RP1L1: variants seen among roughly 807,000 people sequenced by gnomAD.
RP1L1 encodes RP1 like 1.
Under a neutral mutation model 15.7 loss-of-function variants are expected in RP1L1, and 27 were observed. The ratio of observed to expected loss-of-function variants is 1.72; its 90% CI spans 1.27 to 2.38. The LOEUF (loss-of-function observed/expected upper bound fraction) is 2.38. Among genes scored for constraint, RP1L1 ranks in the 30% most tolerant of loss-of-function variants. RP1L1 has a pLI of 0.00. For missense variants in RP1L1, 4,798 were observed against 3,075.9 expected, an observed-to-expected ratio of 1.56 and a Z score of -13.24; for synonymous variants, 1,813 against 1,276.7, an observed-to-expected ratio of 1.42 and a Z score of -8.96.
intron 1 of RP1L1, among the ~76,000 whole-genome samples, chr8:10,653,645 C>A (rs753135732): frequency 3.1e-5 from 4 of 130,128 alleles, no homozygotes; most frequent in Non-Finnish European, 5.3e-5. Context: ...ATGTGCACAC[C>A]CACACACGCA....
At chr8:10,645,904 G>C (rs1798469784) in intron 1 of RP1L1, among the ~76,000 whole-genome samples, 1 of 152,128 alleles carries the variant, frequency 6.6e-6, no homozygotes, top group Non-Finnish European at 1.5e-5. Flanking sequence ...TGCTGCACCT[G>C]GCCTTTCTCC....
chr8:10,649,222 C>T (rs963819803), intron 1 of RP1L1, among the ~76,000 whole-genome samples: 2 of 152,230 alleles, frequency 1.3e-5, no homozygotes, highest in African/African-American at 4.8e-5. Flanking sequence ...ATTCTACTCT[C>T]AAGTCCTTCT....
intron 1 of RP1L1, among the ~76,000 whole-genome samples, chr8:10,631,962 C>T (rs1484665670): frequency 1.3e-5 from 2 of 152,146 alleles, no homozygotes; most frequent in Non-Finnish European, 2.9e-5. Context: ...CTTGCGGTGG[C>T]CCCAGGAACA....
chr8:10,630,935 G>A lies in RP1L1; in HGVS notation c.-19-7715C>T, dbSNP rs115163987. Among the ~76,000 whole-genome samples, 943 of 152,292 alleles carry A rather than the reference G, an allele frequency of 6.2e-3. 6 individuals carry two copies. The highest frequency in any genetic ancestry group is 0.021 in the African/African-American group (881 of 41,562). ...CTTCCCAGCTGGGCTTGTGGGGGCT[G>A]GGAGGTGTGCACCAGCAGAGTGGGG... On this transcript the variant is annotated intron_variant, in intron 1 of 3. Transcript: ENST00000382483.
At chr8:10,642,067 A>G (rs955259401) in intron 1 of RP1L1, among the ~76,000 whole-genome samples, 7 of 152,202 alleles carry the variant, frequency 4.6e-5, no homozygotes, top group African/African-American at 1.7e-4. Context: ...TAGTTTTACA[A>G]GACGTTACCA....
Position 10,614,545 on chromosome 8 carries a change from C to T in RP1L1, c.752-1199G>A, listed in dbSNP as rs147925212. On this transcript the variant is annotated intron_variant, in intron 3 of 3. Coordinates refer to ENST00000382483, the MANE Select transcript of RP1L1 (RefSeq NM_178857.6). ...GCGTGGTTGTGGGAGACTGTAATCC[C>T]AGCCACTCGGGAGGCTGAGGCACAA... 8.8e-3 allele frequency among the ~76,000 whole-genome samples: 1,342 copies of T among 151,800 alleles called. 25 individuals carry two copies. The highest frequency in any genetic ancestry group is 0.031 in the African/African-American group (1,285 of 41,390).
At chr8:10,647,235 G>A (rs1023693600) in intron 1 of RP1L1, among the ~76,000 whole-genome samples, 2 of 152,218 alleles carry the variant, frequency 1.3e-5, no homozygotes, top group African/African-American at 4.8e-5. Context: ...AAATCCTAAC[G>A]AATGTCCGCC....
chr8:10,619,753 C>T lies in RP1L1; in HGVS notation c.609+2840G>A, dbSNP rs966595539. Among the ~76,000 whole-genome samples the T allele has an allele frequency of 8.6e-5, 13 of 150,750 alleles. No individual in the cohort carries two copies. In the East Asian group the frequency reaches 1.2e-3, roughly 14 times the overall value. On this transcript the variant is annotated intron_variant, in intron 2 of 3. Transcript: ENST00000382483. ...ACCAGCCTGGCCAACATGGTGAAAC[C>T]GCATCTCTACTAAAAATACAAAAAA...
intron 1 of RP1L1, among the ~76,000 whole-genome samples, chr8:10,645,302 G>A (rs188186155): frequency 1.1e-4 from 17 of 152,238 alleles, no homozygotes; most frequent in African/African-American, 4.1e-4. Context: ...ACTCCAGACT[G>A]GGCTACAGAG....
intron 1 of RP1L1, among the ~76,000 whole-genome samples, chr8:10,651,941 C>A (rs1586007658): frequency 1.3e-5 from 2 of 152,080 alleles, no homozygotes; most frequent in Non-Finnish European, 1.5e-5. Context: ...TTAAAAAAAT[C>A]TTTTATACTG....
chr8:10,651,732 G>A (rs1048846743), intron 1 of RP1L1, among the ~76,000 whole-genome samples: 1 of 147,984 alleles, frequency 6.8e-6, no homozygotes, highest in Non-Finnish European at 1.5e-5. Context: ...ACTCCAGCCT[G>A]GCAACAGAGC....
Position 10,611,931 on chromosome 8 carries a change from A to G in RP1L1, c.2167T>C (p.Ser723Pro). ...TCCTGGGAAGGAAGAGAGCCCGAGGAGGGAGGTCTCAGGTTCCCAGAGGCC... is the reference window on the plus strand; with the variant it reads ...TCCTGGGAAGGAAGAGAGCCCGAGGGGGGAGGTCTCAGGTTCCCAGAGGCC... ...TQASGNLRPPSSGSLPSQDLL... is the reference protein window; with the variant it reads ...TQASGNLRPPPSGSLPSQDLL... The change falls in exon 4 of 4, where the codon TCC becomes CCC. Residue 723 changes from serine (S) to proline (P), a missense_variant. Transcript: ENST00000382483. 1 of 1,613,888 alleles carries G rather than the reference A, an allele frequency of 6.2e-7. No individual in the cohort carries two copies. The highest frequency in any genetic ancestry group is 8.5e-7 in the Non-Finnish European group (1 of 1,180,028).
At chr8:10,644,703 G>T (rs1167437175) in intron 1 of RP1L1, among the ~76,000 whole-genome samples, 2 of 152,156 alleles carry the variant, frequency 1.3e-5, no homozygotes, top group Non-Finnish European at 2.9e-5. Context: ...GCACCAGGAG[G>T]AGCCCTGAAG....
Position 10,613,296 on chromosome 8 carries a change from G to C in RP1L1, c.802C>G (p.Pro268Ala), listed in dbSNP as rs1366194530. The C allele has an allele frequency of 1.2e-6, 2 of 1,603,556 alleles. No homozygotes were observed. Among genetic ancestry groups the C allele is most frequent in the African/African-American group, 2.7e-5 (2 of 74,952 alleles). The change falls in exon 4 of 4, where the codon CCA becomes GCA. Residue 268 changes from proline to alanine, a missense_variant. Physicochemically the swap from Pro to Ala is conservative, Grantham distance 27. Transcript: ENST00000382483. ...KPSVIHSRSP[P>A]GSTPRLPERP... ...TCTGGCAGCCGTGGCGTGCTGCCTG[G>C]CGGAGACCGCGAATGGATCACACTC...
Position 10,608,680 on chromosome 8 carries a change from T to C in RP1L1, c.5418A>G (p.Gln1806=), listed in dbSNP as rs201389802. 526 of 1,614,214 alleles carry C rather than the reference T, an allele frequency of 3.3e-4. 16 individuals are homozygous for C. The Admixed American group carries it at 8.6e-3, about 26-fold the overall frequency. Residue 1806 remains glutamine (Q), a synonymous_variant, in exon 4 of 4, where the codon CAA becomes CAG. Coordinates refer to ENST00000382483, the MANE Select transcript of RP1L1 (RefSeq NM_178857.6). The part of the protein sequence containing the change: ...GISERGETGG[Q]GSGHEDNLQG... Reference sequence around the variant, plus strand: ...GCAAGTTGTCCTCATGCCCAGAGCCTTGACCCCCAGTTTCTCCCCTTTCAC... The same window carrying C: ...GCAAGTTGTCCTCATGCCCAGAGCCCTGACCCCCAGTTTCTCCCCTTTCAC...
chr8:10,612,087 G>T lies in RP1L1; in HGVS notation c.2011C>A (p.Arg671Ser), dbSNP rs375370418. 28 of 1,613,858 alleles carry T rather than the reference G, an allele frequency of 1.7e-5. No homozygotes were observed. The African/African-American group carries it at 2.5e-4, about 15-fold the overall frequency. Residue 671 changes from arginine to serine, a missense_variant, in exon 4 of 4, where the codon CGC (arginine) becomes AGC (serine). Arg to Ser is a moderately radical substitution (Grantham distance 110). Coordinates refer to ENST00000382483, the MANE Select transcript of RP1L1 (RefSeq NM_178857.6). ...PRGHPRHSHY[R>S]KDTHSPLDSS... ...TCCAGTGGGCTGTGGGTGTCCTTGC[G>T]GTAGTGAGAATGCCTGGGATGGCCT...
Position 10,611,144 on chromosome 8 carries a change from C to T in RP1L1, c.2954G>A (p.Gly985Asp), listed in dbSNP as rs886258480. 9 of 1,612,950 alleles carry T rather than the reference C, an allele frequency of 5.6e-6. No individual in the cohort carries two copies. Among genetic ancestry groups the T allele is most frequent in the Admixed American group, 1.7e-5 (1 of 60,032 alleles). Residue 985 changes from glycine (G) to aspartate (D), a missense_variant, in exon 4 of 4, where the codon GGT becomes GAT. By Grantham distance (94) the Gly-to-Asp change is moderately conservative. Transcript: ENST00000382483. ...GTCCACCTCGGGGCCTCTCAGGCCACCCCCAGCTGCACCTGTGGTCTCGTC... is the reference window on the plus strand; with the variant it reads ...GTCCACCTCGGGGCCTCTCAGGCCATCCCCAGCTGCACCTGTGGTCTCGTC... ...LADETTGAAGGGLRGPEVDPG... is the reference protein window; with the variant it reads ...LADETTGAAGDGLRGPEVDPG...
At position 10,608,259 on chromosome 8, in the gene RP1L1, C is replaced by T; in HGVS notation, c.5839G>A (p.Ala1947Thr). 1 of 1,581,998 alleles carries T rather than the reference C, an allele frequency of 6.3e-7. No homozygotes were observed. Among genetic ancestry groups the T allele is most frequent in the Non-Finnish European group, 8.6e-7 (1 of 1,156,840 alleles). Residue 1947 changes from alanine (A) to threonine (T), a missense_variant, in exon 4 of 4, where the codon GCC becomes ACC. Physicochemically the swap from Ala to Thr is moderately conservative, Grantham distance 58 (BLOSUM62 0). Coordinates refer to ENST00000382483, the MANE Select transcript of RP1L1 (RefSeq NM_178857.6). ...GAEAQEAEEAAQEAEGQTQPE... is the reference protein window; with the variant it reads ...GAEAQEAEEATQEAEGQTQPE... ...TGGGTCTGCCCTTCTGCCTCCTGGG[C>T]CGCCTCTTCTGCCTCTTGGGCCTCT...
chr8:10,627,559 G>A (rs1431275410), intron 1 of RP1L1, among the ~76,000 whole-genome samples: 1 of 151,942 alleles, frequency 6.6e-6, no homozygotes. Flanking sequence ...GGTGATGGTG[G>A]TCGCACACCA....
Sources: gnomAD v4.1 joint callset for allele counts (sites outside exome capture counted in the v4.1 genomes callset) on GRCh38, gnomAD v4.1.1 for gene constraint, MANE v1.5 for transcripts, NCBI Gene and HGNC (gene_info 2026-07-23, HGNC 2026-07-21) for gene names.